Variants in MREG observed in about 807,000 individuals in gnomAD.
MREG encodes melanoregulin.
Under a neutral mutation model 28.5 loss-of-function variants are expected in MREG, and 31 were observed. The observed-to-expected ratio is 1.09, with a 90% confidence interval of 0.82 to 1.47. The LOEUF (loss-of-function observed/expected upper bound fraction) is 1.47. Ranked by LOEUF, MREG falls within the 40% of genes most tolerant of loss-of-function variation. The pLI, the probability that MREG is intolerant of heterozygous loss-of-function variation, is 0.00. For synonymous variants in MREG, 106 were observed against 95.2 expected, an observed-to-expected ratio of 1.11 and a Z score of -0.66; for missense variants, 256 against 257.4, an observed-to-expected ratio of 0.99 and a Z score of 0.04.
intron 2 of MREG, among the ~76,000 whole-genome samples, chr2:215,983,695 T>A (rs934089396): frequency 1.2e-4 from 19 of 152,168 alleles, no homozygotes; most frequent in African/African-American, 3.4e-4. Flanking sequence ...TCTGTAGTTT[T>A]AAAAAAATAA....
At chr2:215,975,008 T>TTTTATATATATATATATATATATATA (rs143806765) in intron 2 of MREG, among the ~76,000 whole-genome samples, 8 of 106,606 alleles carry the variant, frequency 7.5e-5, no homozygotes, top group African/African-American at 1.3e-4. Context: ...TTTATATGAA[T>TTTTATATATATATATATATATATATA]TATATATATA....
At chr2:215,994,797 T>G (rs749489417) in intron 2 of MREG, among the ~76,000 whole-genome samples, 1 of 152,056 alleles carries the variant, frequency 6.6e-6, no homozygotes, top group Non-Finnish European at 1.5e-5. Flanking sequence ...GGAAGAAAGG[T>G]GGGAGCTCCT....
At chr2:215,953,250 C>A (rs1438063305) in intron 2 of MREG, among the ~76,000 whole-genome samples, 5 of 152,252 alleles carry the variant, frequency 3.3e-5, no homozygotes, top group African/African-American at 1.2e-4. Flanking sequence ...CTTTCCCTTG[C>A]AGAACAGTTA....
At chr2:216,029,957 A>G (rs1279515583) in intron 1 of MREG, among the ~76,000 whole-genome samples, 1 of 152,228 alleles carries the variant, frequency 6.6e-6, no homozygotes, top group Non-Finnish European at 1.5e-5. Context: ...GCACATGCTC[A>G]TGGTGGTCAC....
At chr2:215,987,003 C>T (rs1251741344) in intron 2 of MREG, among the ~76,000 whole-genome samples, 1 of 152,110 alleles carries the variant, frequency 6.6e-6, no homozygotes, top group Non-Finnish European at 1.5e-5. Flanking sequence ...TACAATATTG[C>T]TTCCAACAGG....
chr2:215,976,916 T>A (rs1381204849), intron 2 of MREG, among the ~76,000 whole-genome samples: 1 of 152,198 alleles, frequency 6.6e-6, no homozygotes, highest in Non-Finnish European at 1.5e-5. Context: ...TACCAGCCTC[T>A]GCAAAAACAC....
upstream of MREG, among the ~76,000 whole-genome samples, chr2:216,013,820 CA>C (rs1334799948): frequency 6.6e-6 from 1 of 152,100 alleles, no homozygotes; most frequent in African/African-American, 2.4e-5. Context: ...CCCACCCCTA[CA>C]GGCCTTCAAA....
At chr2:215,980,965 G>A (rs1220094496) in intron 2 of MREG, among the ~76,000 whole-genome samples, 2 of 152,048 alleles carry the variant, frequency 1.3e-5, no homozygotes, top group Non-Finnish European at 2.9e-5. Flanking sequence ...TTAATAACAA[G>A]TGTTGGCAAA....
chr2:216,003,899 T>C (rs1415019871), intron 1 of MREG, among the ~76,000 whole-genome samples: 3 of 152,362 alleles, frequency 2.0e-5, no homozygotes, highest in Non-Finnish European at 2.9e-5. Flanking sequence ...TTTACCCAGT[T>C]ATTTCTTTCT....
chr2:216,028,238 G>A (rs1315504920), intron 1 of MREG, among the ~76,000 whole-genome samples: 2 of 152,112 alleles, frequency 1.3e-5, no homozygotes, highest in Non-Finnish European at 2.9e-5. Context: ...CAGATAGGCC[G>A]GGCACGGTGG....
Position 216,013,366 on chromosome 2 carries a change from C to T in MREG, c.-39G>A. The T allele has an allele frequency of 1.4e-6, 2 of 1,441,858 alleles. No individual in the cohort carries two copies. The highest frequency in any genetic ancestry group is 1.8e-6 in the Non-Finnish European group (2 of 1,087,620). The allele number at this position is 1,441,858 out of a possible 1,614,324, so 89.3% of individuals were successfully genotyped here. ...CCCCACCGGCGCCGGAAGCCTGGGG[C>T]CGAGTCGCCGCGGCGAGCGATCGAG... On this transcript the variant is annotated 5_prime_UTR_variant, in exon 1 of 5. Transcript: ENST00000263268.
At chr2:215,961,794 A>T (rs1692798175) in intron 2 of MREG, among the ~76,000 whole-genome samples, 1 of 152,148 alleles carries the variant, frequency 6.6e-6, no homozygotes, top group Non-Finnish European at 1.5e-5. Context: ...ACTGGGTCTT[A>T]GTCAAGTTCA....
rs531090230 is a variant in MREG at position 215,994,095 on chromosome 2, A to G, written c.255+2211T>C. ...CCAAAGGATTATAAATCATTCTACT[A>G]TAAAGGCACATGCACATGTATGTTT... On this transcript the variant is annotated intron_variant, in intron 2 of 4. Transcript: ENST00000263268. Among the ~76,000 whole-genome samples the G allele has an allele frequency of 3.9e-5, 6 of 152,128 alleles. 1 individual carries two copies. The highest frequency in any genetic ancestry group is 2.1e-4 in the South Asian group (1 of 4,824).
intron 1 of MREG, among the ~76,000 whole-genome samples, chr2:216,002,820 CT>C (rs1266054392): frequency 6.9e-6 from 1 of 144,316 alleles, no homozygotes; most frequent in African/African-American, 2.9e-5. Flanking sequence ...CTCCTCTTTT[CT>C]TTCTTTTTTC....
chr2:216,009,564 G>A (rs1214016152), intron 1 of MREG, among the ~76,000 whole-genome samples: 6 of 152,108 alleles, frequency 3.9e-5, no homozygotes, highest in African/African-American at 1.2e-4. Context: ...AGACCTGAGC[G>A]TCTTTCTCCT....
chr2:215,956,029 A>G (rs559599204), intron 2 of MREG, among the ~76,000 whole-genome samples: 13 of 152,358 alleles, frequency 8.5e-5, no homozygotes, highest in African/African-American at 2.9e-4. Flanking sequence ...AAGGATTACT[A>G]GTACATGGAA....
chr2:215,954,656 T>C (rs907413387), intron 2 of MREG, among the ~76,000 whole-genome samples: 13 of 152,140 alleles, frequency 8.5e-5, no homozygotes, highest in Non-Finnish European at 1.0e-4. Context: ...AGAATGACTA[T>C]TGTTGTTTCC....
intron 2 of MREG, among the ~76,000 whole-genome samples, chr2:215,948,738 T>G (rs1692386812): frequency 6.6e-6 from 1 of 152,172 alleles, no homozygotes; most frequent in Non-Finnish European, 1.5e-5. Flanking sequence ...ACAGCCTGAC[T>G]TCAGGGAAGT....
chr2:215,999,692 G>T (rs1693963507), intron 1 of MREG, among the ~76,000 whole-genome samples: 1 of 152,196 alleles, frequency 6.6e-6, no homozygotes, highest in African/African-American at 2.4e-5. Flanking sequence ...TGGAAATGAG[G>T]ACCGATTCCA....
Sources: gnomAD v4.1 joint callset for allele counts (sites outside exome capture counted in the v4.1 genomes callset) on GRCh38, gnomAD v4.1.1 for gene constraint, MANE v1.5 for transcripts, NCBI Gene and HGNC (gene_info 2026-07-23, HGNC 2026-07-21) for gene names.